The following TBC1D8B variants were observed in gnomAD, a reference collection of about 807,000 sequenced individuals.
The protein encoded by TBC1D8B is TBC1 domain family member 8B, also known as RP11-321G1.1.
In TBC1D8B, 75 loss-of-function variants were observed where a neutral mutation model predicts 82.9. The observed-to-expected ratio is 0.90, with a 90% CI of 0.75 to 1.10. TBC1D8B has a LOEUF of 1.10. Ranked by LOEUF, TBC1D8B falls within the 50% of genes least tolerant of loss-of-function variation. The pLI, the probability that TBC1D8B is intolerant of heterozygous loss-of-function variation, is 0.00. For synonymous variants in TBC1D8B, 276 were observed against 276.8 expected (o/e 1.00, Z 0.03); for missense variants, 794 against 796.9 (o/e 1.00, Z 0.04).
At chrX:106,818,965 C>G (rs1487882687) in intron 2 of TBC1D8B, among the ~76,000 whole-genome samples, 192 bp downstream of exon 2, 1 of 103,120 alleles carries the variant, frequency 9.7e-6, no homozygotes, top group Non-Finnish European at 2.0e-5. Context: ...TTTTTTTAAT[C>G]CATTGGTGTG....
chrX:106,875,806 T>A lies in TBC1D8B; in HGVS notation c.*1841T>A, dbSNP rs1032621850. 1.8e-5 allele frequency: 2 copies of A among 112,337 alleles called. No homozygotes were observed. Among genetic ancestry groups the A allele is most frequent in the African/African-American group, 6.5e-5 (2 of 30,932 alleles). 9.3% of individuals were successfully genotyped at this position (112,337 alleles called of 1,213,427 possible). A position where few individuals can be genotyped will look rare whatever the true frequency, so the allele number is the denominator to read the frequency against. ...TAAGAGCATATATGTTATTAATATT[T>A]GATATGATTTTAAAGTCAGAATAGT... On this transcript the variant is annotated 3_prime_UTR_variant, in exon 21 of 21. Coordinates refer to ENST00000357242, the MANE Select transcript of TBC1D8B (RefSeq NM_017752.3).
At chrX:106,816,146 G>A (rs1043931738) in intron 1 of TBC1D8B, among the ~76,000 whole-genome samples, 37 of 111,448 alleles carry the variant, frequency 3.3e-4, no homozygotes, top group Non-Finnish European at 5.3e-4. Context: ...CGACATGATT[G>A]TATATCTAGA....
At chrX:106,865,721 A>G (rs1932809744) in intron 15 of TBC1D8B, 72 bp from the exon 16 acceptor site, 3 of 1,097,887 alleles carry the variant, frequency 2.7e-6, no homozygotes, top group Non-Finnish European at 2.4e-6. Context: ...ATTTTAGCAG[A>G]CATGGTTTTT....
At chrX:106,820,263 A>AAC (rs1227275520) in intron 2 of TBC1D8B, among the ~76,000 whole-genome samples, 1 of 111,110 alleles carries the variant, frequency 9.0e-6, no homozygotes, top group Non-Finnish European at 1.9e-5. Flanking sequence ...CAAACCTCTT[A>AAC]ACACTGATTC....
intron 14 of TBC1D8B, among the ~76,000 whole-genome samples, chrX:106,863,304 C>G (rs1472410988): frequency 8.9e-6 from 1 of 111,798 alleles, no homozygotes; most frequent in Non-Finnish European, 1.9e-5. Flanking sequence ...GGGTAATGGT[C>G]TGTGAATGGG....
rs951879097 is a variant in TBC1D8B, at chrX:106,849,067, G to A, written c.1837+764G>A. 4.4e-4 allele frequency among the ~76,000 whole-genome samples: 48 copies of A among 108,454 alleles called. 2 individuals carry two copies. Among genetic ancestry groups the A allele is most frequent in the Non-Finnish European group, 3.8e-5 (2 of 52,380 alleles). The allele number at this position is 108,454 out of a possible 115,157, so 94.2% of individuals were successfully genotyped here. The stretch of plus-strand genomic sequence containing the variant: ...GCTGGGATTACAGGTGTGAGCCACC[G>A]CGCCTGGCCAATATTTTCTTTAATC... On this transcript the variant is annotated intron_variant, in intron 11 of 20. Coordinates refer to ENST00000357242, the MANE Select transcript of TBC1D8B (RefSeq NM_017752.3).
rs746869826 is a variant in TBC1D8B at position 106,806,907 on chromosome X, T to C, written c.130+3924T>C. 3.6e-5 allele frequency among the ~76,000 whole-genome samples: 4 copies of C among 111,747 alleles called. No homozygotes were observed. In the South Asian group the frequency reaches 1.5e-3, roughly 42 times the overall value. On this transcript the variant is annotated intron_variant, in intron 1 of 20. Coordinates refer to ENST00000357242, the MANE Select transcript of TBC1D8B (RefSeq NM_017752.3). ...TATATAGACTGAGCAAATCACTGTG[T>C]AAACAATTTGTCATAAACCCATACA...
In TBC1D8B at chrX:106,826,004, CT is replaced by C; in HGVS notation, c.828-24del. ...TTCATTTCTAAAAATTCATTTGTGC[CT>C]TATCCCATTTTTTCTTTCCTACAGA... On this transcript the variant is annotated intron_variant, in intron 5 of 20. Transcript: ENST00000357242. 3 of 1,187,851 alleles carry C rather than the reference CT, an allele frequency of 2.5e-6. No homozygotes were observed. In the South Asian group the frequency reaches 5.4e-5, roughly 22 times the overall value.
chrX:106,862,911 A>T (rs958274257), intron 14 of TBC1D8B, among the ~76,000 whole-genome samples: 2 of 106,014 alleles, frequency 1.9e-5, no homozygotes, highest in South Asian at 8.5e-4. Flanking sequence ...TCCTGAGATG[A>T]GTGTGCTACC....
At chrX:106,804,001 A>G (rs372271006) in intron 1 of TBC1D8B, among the ~76,000 whole-genome samples, 22 of 111,262 alleles carry the variant, frequency 2.0e-4, no homozygotes, top group African/African-American at 7.2e-4. Context: ...CATTCCTCAA[A>G]CTCTTTCATT....
chrX:106,873,964 A>G lies in TBC1D8B; in HGVS notation c.3362A>G (p.Ter1121=). The part of the protein sequence containing the change: ...ISQLRSRTKM[*] ...CAGTTAAGGTCTAGAACCAAGATGT[A>G]AATCCCTAGGAATTGCCTATCATAG... Residue 1121 remains the stop codon, a stop_retained_variant, in exon 21 of 21, where the codon TAA becomes TGA. Transcript: ENST00000357242. 1.7e-6 allele frequency: 2 copies of G among 1,175,272 alleles called. No individual in the cohort carries two copies. Among genetic ancestry groups the G allele is most frequent in the African/African-American group, 3.5e-5 (2 of 56,364 alleles).
At chrX:106,807,676 C>T (rs964236872) in intron 1 of TBC1D8B, among the ~76,000 whole-genome samples, 10 of 110,696 alleles carry the variant, frequency 9.0e-5, no homozygotes, top group African/African-American at 3.0e-4. Flanking sequence ...TTTCAGAGAA[C>T]GAAATGTTCC....
In TBC1D8B at chrX:106,873,591, A is replaced by G; in HGVS notation, c.2989A>G (p.Lys997Glu). 8.3e-7 allele frequency: 1 copy of G among 1,199,072 alleles called. No individual in the cohort carries two copies. Among genetic ancestry groups the G allele is most frequent in the Non-Finnish European group, 1.1e-6 (1 of 891,140 alleles). ...CTAGTCTCAGTTTATTCAGTTTTCA[A>G]AGACCCTCTATAACTTATTTCATGA... ...MNQSQFIQFSKTLYNLFHEDP... is the reference protein window; with the variant it reads ...MNQSQFIQFSETLYNLFHEDP... The change falls in exon 21 of 21, where the codon AAG (lysine) becomes GAG (glutamate). Residue 997 changes from lysine (K) to glutamate (E), a missense_variant. Transcript: ENST00000357242.
Position 106,818,858 on chromosome X carries a change from G to T in TBC1D8B, c.241+85G>T, listed in dbSNP as rs1931618456. 7 of 715,982 alleles carry T rather than the reference G, an allele frequency of 9.8e-6. No individual in the cohort carries two copies. In the Admixed American group the frequency reaches 2.4e-4, roughly 25 times the overall value. The allele number at this position is 715,982 out of a possible 1,213,427, so 59.0% of individuals were successfully genotyped here. ...TCATATTTATTTATAGTCTGTAGTT[G>T]CTTTGAGATTTAAAAACAAATTAAA... is the stretch of plus-strand genomic sequence containing the variant. On this transcript the variant is annotated intron_variant, in intron 2 of 20. Coordinates refer to ENST00000357242, the MANE Select transcript of TBC1D8B (RefSeq NM_017752.3).
At chrX:106,842,446 G>A (rs1180697968) in intron 10 of TBC1D8B, among the ~76,000 whole-genome samples, 1 of 110,957 alleles carries the variant, frequency 9.0e-6, no homozygotes, top group Non-Finnish European at 1.9e-5. Context: ...AGATAAGATT[G>A]GCTAGGTTCA....
intron 1 of TBC1D8B, among the ~76,000 whole-genome samples, chrX:106,806,511 A>G (rs902949612): frequency 8.9e-6 from 1 of 111,943 alleles, no homozygotes; most frequent in African/African-American, 3.2e-5. Context: ...TGCTTGGCAG[A>G]TGGGAACTAC....
intron 18 of TBC1D8B, 46 bp from the exon 19 acceptor site, chrX:106,869,439 T>A: frequency 1.8e-6 from 2 of 1,101,833 alleles, no homozygotes. Flanking sequence ...TTTCAAAGAG[T>A]ATTTGTTAAA....
At chrX:106,873,439 C>T in intron 20 of TBC1D8B, 131 bp from the exon 21 acceptor site, 1 of 675,014 alleles carries the variant, frequency 1.5e-6, no homozygotes, top group Non-Finnish European at 2.1e-6. Context: ...GGTTAATCAC[C>T]AGTTCTTATA....
chrX:106,803,342 GAACTT>G (rs1931089489), intron 1 of TBC1D8B, among the ~76,000 whole-genome samples: 1 of 111,533 alleles, frequency 9.0e-6, no homozygotes, highest in Non-Finnish European at 1.9e-5. Flanking sequence ...TCGCAGTTGT[GAACTT>G]AACTTTTTTC....
Sources: gnomAD v4.1 joint callset for allele counts (sites outside exome capture counted in the v4.1 genomes callset) on GRCh38, gnomAD v4.1.1 for gene constraint, MANE v1.5 for transcripts, NCBI Gene and HGNC (gene_info 2026-07-23, HGNC 2026-07-21) for gene names.